Variants in TLN2 observed in about 807,000 individuals in gnomAD.
TLN2 encodes talin 2, also known as talin-2.
TLN2 carries 118 observed loss-of-function variants against 294.7 expected under a neutral mutation model. The observed-to-expected ratio is 0.40, with a 90% CI of 0.34 to 0.47. The LOEUF (loss-of-function observed/expected upper bound fraction) is 0.47, where lower values mean the gene tolerates loss of function less well. TLN2 is among the 20% of genes least tolerant of loss of function. The pLI, the probability that TLN2 is intolerant of heterozygous loss-of-function variation, is 0.84. For missense variants in TLN2, 3,083 were observed against 3,282.2 expected, an observed-to-expected ratio of 0.94 and a Z score of 1.48; for synonymous variants, 1,431 against 1,304.5, an observed-to-expected ratio of 1.10 and a Z score of -2.09.
rs114004502 is a variant in TLN2, at chr15:62,436,943, G to C, written c.-238+46258G>C. Among the ~76,000 whole-genome samples, 1,360 of 152,318 alleles carry C rather than the reference G, an allele frequency of 8.9e-3. 23 individuals carry two copies. Among genetic ancestry groups the C allele is most frequent in the African/African-American group, 0.031 (1,268 of 41,568 alleles). The stretch of plus-strand genomic sequence containing the variant: ...AGGGACTAACTATTTTGCCCAGGAT[G>C]GTCTCAGACTCCCAACCCCAAGTGA... On this transcript the variant is annotated intron_variant, in intron 1 of 58. Coordinates refer to ENST00000636159, the MANE Select transcript of TLN2 (RefSeq NM_015059.3).
chr15:62,644,741 G>A, intron 3 of TLN2: 1 of 370,038 alleles, frequency 2.7e-6, no homozygotes, highest in South Asian at 2.1e-5. Context: ...TGTGTCTTCT[G>A]CTTCCTTCTG....
chr15:62,568,453 A>G (rs1277272880), intron 1 of TLN2, among the ~76,000 whole-genome samples: 1 of 152,208 alleles, frequency 6.6e-6, no homozygotes, highest in Non-Finnish European at 1.5e-5. Context: ...AAGAGGTACA[A>G]TTTAAAGAAA....
chr15:62,535,910 A>T (rs754145976), intron 1 of TLN2, among the ~76,000 whole-genome samples: 1 of 152,118 alleles, frequency 6.6e-6, no homozygotes, highest in Non-Finnish European at 1.5e-5. Flanking sequence ...GTGTGTATGA[A>T]CCGTTCTCAC....
chr15:62,648,794 C>T (rs1025791811), intron 4 of TLN2, among the ~76,000 whole-genome samples: 1 of 152,054 alleles, frequency 6.6e-6, no homozygotes, highest in African/African-American at 2.4e-5. Flanking sequence ...GGTGATCTGC[C>T]TGCCTCGGCC....
At chr15:62,594,296 C>A (rs2046309651) in intron 2 of TLN2, among the ~76,000 whole-genome samples, 1 of 152,204 alleles carries the variant, frequency 6.6e-6, no homozygotes, top group Non-Finnish European at 1.5e-5. Context: ...CAGCCTTGAC[C>A]TCCTAGGCAC....
chr15:62,508,030 T>G (rs1351865512), intron 1 of TLN2, among the ~76,000 whole-genome samples: 1 of 152,182 alleles, frequency 6.6e-6, no homozygotes, highest in Non-Finnish European at 1.5e-5. Flanking sequence ...CTGTATGTAT[T>G]CTGGAATCAC....
chr15:62,421,193 A>G (rs776911139), intron 1 of TLN2, among the ~76,000 whole-genome samples: 2 of 152,274 alleles, frequency 1.3e-5, no homozygotes, highest in East Asian at 1.9e-4. Context: ...GAGAAATAGC[A>G]TTCCGACCCT....
chr15:62,517,477 G>T (rs922044258), intron 1 of TLN2, among the ~76,000 whole-genome samples: 1 of 152,164 alleles, frequency 6.6e-6, no homozygotes, highest in Non-Finnish European at 1.5e-5. Context: ...GGCCATGGTG[G>T]TTTACCCCCA....
intron 8 of TLN2, 125 bp downstream of exon 8, chr15:62,656,211 G>A (rs1187698125): frequency 1.5e-5 from 18 of 1,220,502 alleles, no homozygotes; most frequent in Non-Finnish European, 1.7e-5. Context: ...TCCAGCAGGC[G>A]CTGCTCGTGG....
chr15:62,665,223 C>A (rs954899917), intron 9 of TLN2, among the ~76,000 whole-genome samples: 16 of 151,992 alleles, frequency 1.1e-4, no homozygotes, highest in African/African-American at 3.9e-4. Context: ...CCATCATGCC[C>A]AGCTAACTTT....
intron 21 of TLN2, among the ~76,000 whole-genome samples, chr15:62,711,277 G>A (rs966907973): frequency 1.3e-5 from 2 of 152,022 alleles, no homozygotes; most frequent in African/African-American, 4.8e-5. Context: ...AAAATCACAG[G>A]GACAATAAGA....
At chr15:62,745,161 T>G (rs1381446169) in intron 32 of TLN2, among the ~76,000 whole-genome samples, 1 of 152,246 alleles carries the variant, frequency 6.6e-6, no homozygotes, top group Non-Finnish European at 1.5e-5. Context: ...ATGTTTTACC[T>G]TAACCCTTTT....
chr15:62,813,073 C>G (rs1255556258), intron 52 of TLN2, among the ~76,000 whole-genome samples: 2 of 152,178 alleles, frequency 1.3e-5, no homozygotes, highest in African/African-American at 2.4e-5. Context: ...GGCTGGAGAT[C>G]GGAAGGAGGG....
At chr15:62,650,795 G>A (rs2052503684) in intron 5 of TLN2, among the ~76,000 whole-genome samples, 1 of 152,180 alleles carries the variant, frequency 6.6e-6, no homozygotes, top group African/African-American at 2.4e-5. Context: ...AGTGAAATAT[G>A]TGATGCCAAT....
chr15:62,754,185 T>C, intron 36 of TLN2: 1 of 329,970 alleles, frequency 3.0e-6, no homozygotes, highest in South Asian at 6.5e-5. Flanking sequence ...CTTCATTCAT[T>C]TCAGGGGACG....
intron 51 of TLN2, among the ~76,000 whole-genome samples, chr15:62,806,505 C>T (rs1307887586): frequency 1.3e-5 from 2 of 152,164 alleles, no homozygotes; most frequent in African/African-American, 4.8e-5. Context: ...GTTGCCATCC[C>T]TGGTGAGGAA....
chr15:62,681,943 A>G (rs1404528880), intron 11 of TLN2, among the ~76,000 whole-genome samples: 1 of 152,066 alleles, frequency 6.6e-6, no homozygotes, highest in Admixed American at 6.5e-5. Context: ...TTTCTTAGAG[A>G]CGGGTCTCCT....
At position 62,610,516 on chromosome 15, in the gene TLN2, C is replaced by G. The variant is rs140753184; in HGVS notation, c.-161-7835C>G. Among the ~76,000 whole-genome samples the G allele has an allele frequency of 4.7e-4, 72 of 152,330 alleles. No individual in the cohort carries two copies. The East Asian group carries it at 0.014, about 29-fold the overall frequency. On this transcript the variant is annotated intron_variant, in intron 2 of 58. Coordinates refer to ENST00000636159, the MANE Select transcript of TLN2 (RefSeq NM_015059.3). ...TCTCTGTAAGATACATCACAGCCTC[C>G]TTCTGCTTAGGAACGCTAGACAGCA...
chr15:62,688,224 A>G lies in TLN2; in HGVS notation c.1113+1428A>G, dbSNP rs369795418. ...AGAATAACAGTATTTTGATTAAAGCATAACGTCACATTAAAGCCCATTATA... is the reference window on the plus strand; with the variant it reads ...AGAATAACAGTATTTTGATTAAAGCGTAACGTCACATTAAAGCCCATTATA... On this transcript the variant is annotated intron_variant, in intron 12 of 58. Transcript: ENST00000636159. 2.0e-5 allele frequency among the ~76,000 whole-genome samples: 3 copies of G among 152,324 alleles called. No homozygotes were observed. In the South Asian group the frequency reaches 6.2e-4, roughly 32 times the overall value.
Sources: allele counts gnomAD v4.1 joint callset (sites outside exome capture counted in the v4.1 genomes callset), GRCh38; gene constraint gnomAD v4.1.1; transcripts MANE v1.5; gene names NCBI Gene and HGNC (gene_info 2026-07-23, HGNC 2026-07-21).